Variants in ZC3H12B observed in about 807,000 individuals in gnomAD.
ZC3H12B encodes probable ribonuclease ZC3H12B.
Under a neutral mutation model 43.9 loss-of-function variants are expected in ZC3H12B, and 7 were observed. The ratio of observed to expected loss-of-function variants is 0.16; its 90% CI spans 0.09 to 0.30. The LOEUF (loss-of-function observed/expected upper bound fraction) is 0.30. Among genes scored for constraint, ZC3H12B ranks in the 10% least tolerant of loss-of-function variants. ZC3H12B has a pLI of 1.00. For synonymous variants in ZC3H12B, 222 were observed against 241.7 expected (o/e 0.92, Z 0.76); for missense variants, 475 against 670.2 (o/e 0.71, Z 3.22).
the ZC3H12B span, among the ~76,000 whole-genome samples, chrX:65,066,097 C>T: frequency 9.2e-6 from 1 of 109,151 alleles, no homozygotes; most frequent in Admixed American, 9.9e-5. Context: ...ATGCTCCTCG[C>T]CTTGGAGGAG....
the ZC3H12B span, among the ~76,000 whole-genome samples, chrX:65,070,685 T>C: frequency 9.0e-6 from 1 of 111,054 alleles, no homozygotes; most frequent in Non-Finnish European, 1.9e-5. Flanking sequence ...TTAATTTGAT[T>C]ATTTACCCAA....
the ZC3H12B span, among the ~76,000 whole-genome samples, chrX:65,135,770 T>G: frequency 9.8e-6 from 1 of 102,176 alleles, no homozygotes; most frequent in Non-Finnish European, 2.0e-5. Flanking sequence ...TTTTTTTGAG[T>G]AATTTTTTCT....
chrX:65,460,079 GC>G (rs1316373127), intron 3 of ZC3H12B, among the ~76,000 whole-genome samples: 1 of 111,603 alleles, frequency 9.0e-6, no homozygotes, highest in Non-Finnish European at 1.9e-5. Context: ...CAAACAGAGA[GC>G]CAAATCATGA....
the ZC3H12B span, among the ~76,000 whole-genome samples, chrX:65,182,188 T>C: frequency 9.0e-6 from 1 of 111,097 alleles, no homozygotes; most frequent in Non-Finnish European, 1.9e-5. Context: ...CACTCATTAG[T>C]GGGAGTTGAA....
At chrX:65,272,570 G>C in the ZC3H12B span, 1 of 111,862 alleles carries the variant, frequency 8.9e-6, no homozygotes, top group African/African-American at 3.3e-5. Context: ...AGCAGTTATA[G>C]TTGTTGTTCA....
the ZC3H12B span, among the ~76,000 whole-genome samples, chrX:65,117,933 G>C: frequency 5.4e-5 from 6 of 110,590 alleles, no homozygotes; most frequent in East Asian, 1.7e-3. Context: ...CTTTGTTTTT[G>C]TACCAGTACC....
At chrX:65,392,066 G>A (rs769940397) in intron 2 of ZC3H12B, among the ~76,000 whole-genome samples, 18 of 111,630 alleles carry the variant, frequency 1.6e-4, no homozygotes, top group Admixed American at 6.7e-4. Context: ...CTCACTCAGT[G>A]CTCAATGTTG....
the ZC3H12B span, among the ~76,000 whole-genome samples, chrX:65,270,325 T>A: frequency 4.3e-4 from 48 of 111,401 alleles, no homozygotes; most frequent in Non-Finnish European, 7.3e-4. Context: ...AAACTAAATT[T>A]CAACATGCAA....
the ZC3H12B span, among the ~76,000 whole-genome samples, chrX:65,037,798 A>G: frequency 9.0e-6 from 1 of 111,395 alleles, no homozygotes; most frequent in Non-Finnish European, 1.9e-5. Flanking sequence ...ATTCATTAGT[A>G]TATGATAACT....
At chrX:65,487,815 T>C (rs1051884309), upstream of ZC3H12B, among the ~76,000 whole-genome samples, 9 of 112,349 alleles carry the variant, frequency 8.0e-5, no homozygotes, top group African/African-American at 2.9e-4. Flanking sequence ...CCCTAGTAGA[T>C]GGGGTTCCTG....
At chrX:65,369,136 G>A (rs1349447852) in intron 2 of ZC3H12B, 138 bp downstream of exon 4, 1 of 111,551 alleles carries the variant, frequency 9.0e-6, no homozygotes, top group African/African-American at 3.3e-5. Flanking sequence ...GAAAGATTGA[G>A]GCATCAAAGC....
chrX:65,123,878 A>T, the ZC3H12B span, among the ~76,000 whole-genome samples: 62 of 110,361 alleles, frequency 5.6e-4, no homozygotes, highest in Admixed American at 2.1e-3. Context: ...CACCAGAGCT[A>T]GGAGCTTTTT....
Position 65,396,312 on chromosome X carries a change from G to A in ZC3H12B, n.296-2281G>A, listed in dbSNP as rs779796291. Among the ~76,000 whole-genome samples, 13 of 111,955 alleles carry A rather than the reference G, an allele frequency of 1.2e-4. No homozygotes were observed. In the East Asian group the frequency reaches 3.6e-3, roughly 31 times the overall value. The stretch of plus-strand genomic sequence containing the variant: ...TAGATCTTTTCGGCTTTCTGATGTG[G>A]GCATTTAGTGCTACAAATTTTCCAT... On this transcript the variant is annotated intron_variant and non_coding_transcript_variant, in intron 2 of 5. Transcript: ENST00000617377.
the ZC3H12B span, among the ~76,000 whole-genome samples, chrX:65,081,432 A>G: frequency 1.8e-5 from 2 of 111,599 alleles, no homozygotes; most frequent in Non-Finnish European, 3.8e-5. Context: ...AAATGAAGGG[A>G]TGGAAAAAGA....
the ZC3H12B span, among the ~76,000 whole-genome samples, chrX:65,258,238 G>C: frequency 8.9e-6 from 1 of 111,844 alleles, no homozygotes; most frequent in African/African-American, 3.2e-5. Flanking sequence ...CAGGCTTTTT[G>C]TCCCTGAGAT....
the ZC3H12B span, among the ~76,000 whole-genome samples, chrX:65,155,504 TC>T: frequency 9.0e-6 from 1 of 111,345 alleles, no homozygotes; most frequent in African/African-American, 3.3e-5. Context: ...CCGTGGGTTT[TC>T]CTTTGTCATT....
At chrX:65,479,166 T>G (rs1441113171) in intron 3 of ZC3H12B, among the ~76,000 whole-genome samples, 2 of 111,006 alleles carry the variant, frequency 1.8e-5, no homozygotes, top group Non-Finnish European at 3.8e-5. Context: ...CTAAATTTGT[T>G]GAGTTTCCTC....
chrX:65,464,439 T>C (rs1182347914), intron 3 of ZC3H12B, among the ~76,000 whole-genome samples: 1 of 111,249 alleles, frequency 9.0e-6, no homozygotes, highest in Non-Finnish European at 1.9e-5. Context: ...TTCCATATAA[T>C]AATTTTTATT....
chrX:65,086,768 T>G, the ZC3H12B span, among the ~76,000 whole-genome samples: 2 of 111,868 alleles, frequency 1.8e-5, no homozygotes. Flanking sequence ...AGAAATAAAT[T>G]TATGTTGTTT....
Sources: gnomAD v4.1 joint callset for allele counts (sites outside exome capture counted in the v4.1 genomes callset) on GRCh38, gnomAD v4.1.1 for gene constraint, MANE v1.5 for transcripts, NCBI Gene and HGNC (gene_info 2026-07-23, HGNC 2026-07-21) for gene names.